Variants in BRD4 observed in about 807,000 individuals in gnomAD.
BRD4 encodes bromodomain-containing protein 4.
Under a neutral mutation model 142.1 loss-of-function variants are expected in BRD4, and 16 were observed. That is an observed-to-expected ratio of 0.11 (90% CI 0.08 to 0.17). BRD4 has a LOEUF of 0.17. Ranked by LOEUF, BRD4 falls within the 10% of genes least tolerant of loss-of-function variation. The probability of loss-of-function intolerance (pLI) is 1.00; values close to 1 mark genes in which losing one functional copy is unlikely to be tolerated. For missense variants in BRD4, 1,424 were observed against 1,810.9 expected, an observed-to-expected ratio of 0.79 and a Z score of 3.88; for synonymous variants, 833 against 707.5, an observed-to-expected ratio of 1.18 and a Z score of -2.82.
At position 15,238,606 on chromosome 19, in the gene BRD4, G is replaced by A; in HGVS notation, c.4020+137C>T. On this transcript the variant is annotated intron_variant, in intron 19 of 19. Coordinates refer to ENST00000679869, the MANE Select transcript of BRD4 (RefSeq NM_001379291.1). The surrounding 1 kb of genome is among the most constrained non-coding windows in gnomAD (Gnocchi z 7.2). ...ACAGCACTCAGGGCCCTACAGCTGA[G>A]TCCAGAGGACCACATGCCGACCAGC... The A allele has an allele frequency of 6.8e-7, 1 of 1,471,514 alleles. No individual in the cohort carries two copies. Among genetic ancestry groups the A allele is most frequent in the Non-Finnish European group, 9.0e-7 (1 of 1,108,852 alleles). 91.2% of individuals were successfully genotyped at this position (1,471,514 alleles called of 1,614,324 possible).
chr19:15,331,783 A>T (rs1203285555), intron 1 of BRD4: 1 of 149,800 alleles, frequency 6.7e-6, no homozygotes, highest in African/African-American at 2.5e-5. Context: ...CGCCTAGAGG[A>T]CCGCGGACCG....
chr19:15,292,047 CTAAA>C (rs758674079), intron 1 of BRD4, among the ~76,000 whole-genome samples: 3 of 152,152 alleles, frequency 2.0e-5, no homozygotes, highest in Non-Finnish European at 2.9e-5. Flanking sequence ...AAATGATTCC[CTAAA>C]TAAACTGTAA....
In BRD4 at chr19:15,237,247, G is replaced by GC. The variant is rs1172623366; in HGVS notation, c.*1129_*1130insG. The GC allele has an allele frequency of 4.6e-5, 4 of 87,282 alleles. No individual in the cohort carries two copies. Among genetic ancestry groups the GC allele is most frequent in the Non-Finnish European group, 4.6e-5 (2 of 43,612 alleles). 5.4% of individuals were successfully genotyped at this position (87,282 alleles called of 1,614,324 possible). On this transcript the variant is annotated 3_prime_UTR_variant, in exon 20 of 20. Coordinates refer to ENST00000679869, the MANE Select transcript of BRD4 (RefSeq NM_001379291.1). ...AAACAAAAAAGCCAACAAATGGGTG[G>GC]GGGGGGGGGGGGTGGAGGGGAAAGA... is the stretch of plus-strand genomic sequence containing the variant.
intron 4 of BRD4, 62 bp from the exon 5 acceptor site, chr19:15,265,705 T>A (rs371471299): frequency 6.4e-7 from 1 of 1,552,126 alleles, no homozygotes; most frequent in African/African-American, 1.4e-5. Flanking sequence ...CTGGCTGACC[T>A]CGTGGGGACA....
chr19:15,310,213 CTTTTT>C (rs34519343), intron 1 of BRD4, among the ~76,000 whole-genome samples: 99 of 122,408 alleles, frequency 8.1e-4, no homozygotes, highest in African/African-American at 1.5e-3. Flanking sequence ...TTAAACAGTC[CTTTTT>C]TTTTTTTTTT....
intron 1 of BRD4, among the ~76,000 whole-genome samples, chr19:15,318,715 A>G (rs2048036614): frequency 6.6e-6 from 1 of 152,198 alleles, no homozygotes. Flanking sequence ...TACCTTCTGG[A>G]GCAAAGGCTC....
At chr19:15,315,783 G>A (rs1414839445) in intron 1 of BRD4, among the ~76,000 whole-genome samples, 2 of 151,704 alleles carry the variant, frequency 1.3e-5, no homozygotes, top group African/African-American at 2.4e-5. Flanking sequence ...TTGAACCCGG[G>A]AGGTGGAAGC....
chr19:15,248,736 G>A (rs1371272438), intron 11 of BRD4: 1 of 228,936 alleles, frequency 4.4e-6, no homozygotes, highest in Non-Finnish European at 8.7e-6. Context: ...GGGTCTAGAG[G>A]CCTTGCCTCT....
intron 1 of BRD4, among the ~76,000 whole-genome samples, chr19:15,327,781 G>A (rs2048121582): frequency 6.6e-6 from 1 of 151,780 alleles, no homozygotes; most frequent in Admixed American, 6.6e-5. Flanking sequence ...AGGCACAAAA[G>A]GTTACATATT....
intron 1 of BRD4, among the ~76,000 whole-genome samples, chr19:15,309,662 A>G (rs186543851): frequency 6.6e-6 from 1 of 152,312 alleles, no homozygotes; most frequent in East Asian, 1.9e-4. Flanking sequence ...AAACCAAAAT[A>G]TCCATGAACT....
At position 15,238,063 on chromosome 19, in the gene BRD4, G is replaced by A; in HGVS notation, c.*314C>T. The A allele has an allele frequency of 1.9e-5, 8 of 418,272 alleles. No homozygotes were observed. Among genetic ancestry groups the A allele is most frequent in the South Asian group, 5.5e-5 (2 of 36,182 alleles). The allele number at this position is 418,272 out of a possible 1,614,324, so 25.9% of individuals were successfully genotyped here. On this transcript the variant is annotated 3_prime_UTR_variant, in exon 20 of 20. Coordinates refer to ENST00000679869, the MANE Select transcript of BRD4 (RefSeq NM_001379291.1). The surrounding 1 kb of genome is among the most constrained non-coding windows in gnomAD (Gnocchi z 7.2). ...TGTGTATACTGTGTAGACATTTGGCGGAGAGAAGGGCCTCTGCCCCGCATG... is the reference window on the plus strand; with the variant it reads ...TGTGTATACTGTGTAGACATTTGGCAGAGAGAAGGGCCTCTGCCCCGCATG...
At chr19:15,302,491 A>C (rs2047877462) in intron 1 of BRD4, among the ~76,000 whole-genome samples, 1 of 152,136 alleles carries the variant, frequency 6.6e-6, no homozygotes, top group African/African-American at 2.4e-5. Context: ...CAACATGGCA[A>C]AACCCTGTCT....
intron 1 of BRD4, among the ~76,000 whole-genome samples, chr19:15,304,129 C>T (rs1835478789): frequency 1.3e-5 from 2 of 152,300 alleles, no homozygotes; most frequent in Admixed American, 6.5e-5. Flanking sequence ...TTACACTTAC[C>T]ACATAATCCC....
At position 15,256,280 on chromosome 19, in the gene BRD4, C is replaced by G. The variant is rs768594507; in HGVS notation, c.1552-17G>C. 1 of 1,605,116 alleles carries G rather than the reference C, an allele frequency of 6.2e-7. No individual in the cohort carries two copies. The highest frequency in any genetic ancestry group is 1.1e-5 in the South Asian group (1 of 88,826). On this transcript the variant is annotated splice_polypyrimidine_tract_variant and intron_variant, in intron 8 of 19. Coordinates refer to ENST00000679869, the MANE Select transcript of BRD4 (RefSeq NM_001379291.1). ...GGCTTTGAGCTGTAGACCAGACAGG[C>G]AAGACACACACTCAGGGCTGAAACC...
chr19:15,308,787 G>C (rs185019007), intron 1 of BRD4, among the ~76,000 whole-genome samples: 1 of 151,652 alleles, frequency 6.6e-6, no homozygotes, highest in Non-Finnish European at 1.5e-5. Context: ...AGGCCGAGGC[G>C]GGAGGATCAC....
chr19:15,330,522 T>G (rs1158511903), intron 1 of BRD4, among the ~76,000 whole-genome samples: 3 of 152,116 alleles, frequency 2.0e-5, no homozygotes, highest in African/African-American at 7.2e-5. Flanking sequence ...TCCCAACACT[T>G]TGGGAAGCCG....
At chr19:15,307,858 T>TA (rs2047927737) in intron 1 of BRD4, among the ~76,000 whole-genome samples, 1 of 152,122 alleles carries the variant, frequency 6.6e-6, no homozygotes, top group South Asian at 2.1e-4. Context: ...CTCACACTTG[T>TA]AATCCCAGCA....
chr19:15,263,524 G>C lies in BRD4; in HGVS notation c.1237C>G (p.Arg413Gly). 3 of 1,614,224 alleles carry C rather than the reference G, an allele frequency of 1.9e-6. No individual in the cohort carries two copies. In the South Asian group the frequency reaches 3.3e-5, roughly 18 times the overall value. The change falls in exon 7 of 20, where the codon CGT becomes GGT. Residue 413 changes from arginine (R) to glycine (G), a missense_variant. Physicochemically the swap from Arg to Gly is moderately radical, Grantham distance 125. Transcript: ENST00000679869. ...IKSKLEAREY[R>G]DAQEFGADVR... The stretch of plus-strand genomic sequence containing the variant: ...TCAGCACCAAACTCCTGAGCATCAC[G>C]GTACTCACGGGCCTCCAGTTTAGAC...
chr19:15,237,070 G>A lies in BRD4; in HGVS notation c.*1307C>T, dbSNP rs1324301559. 1 of 211,024 alleles carries A rather than the reference G, an allele frequency of 4.7e-6. No individual in the cohort carries two copies. Among genetic ancestry groups the A allele is most frequent in the Non-Finnish European group, 9.5e-6 (1 of 104,948 alleles). The allele number at this position is 211,024 out of a possible 1,614,324, so 13.1% of individuals were successfully genotyped here. A position where few individuals can be genotyped will look rare whatever the true frequency, so the allele number is the denominator to read the frequency against. ...CAGGAGCGGCCAGCTGGTTGGGGCTGGGCGCCAGGTAGGGGAGTCTCTGCC... is the reference window on the plus strand; with the variant it reads ...CAGGAGCGGCCAGCTGGTTGGGGCTAGGCGCCAGGTAGGGGAGTCTCTGCC... On this transcript the variant is annotated 3_prime_UTR_variant, in exon 20 of 20. Transcript: ENST00000679869.
Sources: allele counts gnomAD v4.1 joint callset (sites outside exome capture counted in the v4.1 genomes callset), GRCh38; gene constraint gnomAD v4.1.1; non-coding constraint Gnocchi (gnomAD v3.1); transcripts MANE v1.5; gene names NCBI Gene and HGNC (gene_info 2026-07-23, HGNC 2026-07-21).